Variants in ILDR2 observed in about 807,000 individuals in gnomAD.
The protein encoded by ILDR2 is immunoglobulin-like domain-containing receptor 2.
Under a neutral mutation model 66.8 loss-of-function variants are expected in ILDR2, and 25 were observed. The observed-to-expected ratio is 0.37, with a 90% CI of 0.27 to 0.52. The LOEUF (loss-of-function observed/expected upper bound fraction) is 0.52, where lower values mean the gene tolerates loss of function less well. Ranked by LOEUF, ILDR2 falls within the 20% of genes least tolerant of loss-of-function variation. ILDR2 has a pLI of 0.88. For missense variants in ILDR2, 827 were observed against 876.8 expected (o/e 0.94, Z 0.72); for synonymous variants, 367 against 357.2 (o/e 1.03, Z -0.31).
chr1:166,945,826 T>G (rs764896999), intron 3 of ILDR2, among the ~76,000 whole-genome samples: 2 of 152,180 alleles, frequency 1.3e-5, no homozygotes, highest in African/African-American at 4.8e-5. Flanking sequence ...TAAGTTGGAG[T>G]CCTTCTAGGG....
At chr1:166,956,519 G>A (rs1380931515) in intron 3 of ILDR2, among the ~76,000 whole-genome samples, 1 of 151,926 alleles carries the variant, frequency 6.6e-6, no homozygotes, top group East Asian at 1.9e-4. Flanking sequence ...AATGATAAAA[G>A]GTGGGGGCGG....
chr1:166,939,894 A>C (rs898990902), intron 3 of ILDR2, among the ~76,000 whole-genome samples: 1 of 152,228 alleles, frequency 6.6e-6, no homozygotes, highest in Non-Finnish European at 1.5e-5. Flanking sequence ...ATCCGTCTCC[A>C]TACACTTCAT....
chr1:166,904,927 G>T (rs1659315411), downstream of ILDR2, among the ~76,000 whole-genome samples: 1 of 152,080 alleles, frequency 6.6e-6, no homozygotes, highest in African/African-American at 2.4e-5. Flanking sequence ...TGCCAAGCAT[G>T]GAGACACCTC....
rs201437761 is a variant in ILDR2 at position 166,935,511 on chromosome 1, G to A, written c.704-34C>T. ...GGAGATCAAGAGCAAGAGAGATTAC[G>A]TCGTCCCACCCTCCACAACCCTCAC... is the stretch of plus-strand genomic sequence containing the variant. On this transcript the variant is annotated intron_variant, in intron 5 of 9. Transcript: ENST00000271417. 2.4e-5 allele frequency: 36 copies of A among 1,520,286 alleles called. No homozygotes were observed. The East Asian group carries it at 2.5e-4, about 11-fold the overall frequency. The allele number at this position is 1,520,286 out of a possible 1,614,324, so 94.2% of individuals were successfully genotyped here.
Position 166,920,767 on chromosome 1 carries a change from G to A in ILDR2, c.1824C>T (p.Arg608=), listed in dbSNP as rs1026927797. ...CCGAGTTGCTGTGGTAGGGCAGGTC[G>A]CGGCCGCGGTAGGACGGGCCGCGGG... ...ELTRGPSYRG[R]DLPYHSNSEK... is the part of the protein sequence containing the mutation. Residue 608 remains arginine (R), a synonymous_variant, in exon 9 of 10, where the codon CGC becomes CGT. Coordinates refer to ENST00000271417, the MANE Select transcript of ILDR2 (RefSeq NM_199351.3). 4.0e-6 allele frequency: 6 copies of A among 1,492,560 alleles called. No individual in the cohort carries two copies. Among genetic ancestry groups the A allele is most frequent in the Non-Finnish European group, 4.5e-6 (5 of 1,121,084 alleles). The allele number at this position is 1,492,560 out of a possible 1,614,324, so 92.5% of individuals were successfully genotyped here.
At position 166,910,829 on chromosome 1, in the gene ILDR2, A is replaced by G. The variant is rs915498926; in HGVS notation, c.*8526T>C. On this transcript the variant is annotated 3_prime_UTR_variant, in exon 10 of 10. Transcript: ENST00000271417. Reference sequence around the variant, plus strand: ...CATATAAAAATTGGATTAGAATTAGATAATCATAGGGAAAAATGAATTATT... The same window carrying G: ...CATATAAAAATTGGATTAGAATTAGGTAATCATAGGGAAAAATGAATTATT... The G allele has an allele frequency of 6.6e-6, 1 of 152,252 alleles. No homozygotes were observed. Among genetic ancestry groups the G allele is most frequent in the African/African-American group, 2.4e-5 (1 of 41,468 alleles). 9.4% of individuals were successfully genotyped at this position (152,252 alleles called of 1,614,324 possible).
intron 1 of ILDR2, among the ~76,000 whole-genome samples, chr1:166,969,810 A>G (rs1184531679): frequency 1.3e-5 from 2 of 152,208 alleles, no homozygotes; most frequent in Non-Finnish European, 2.9e-5. Context: ...CACTTCAAAT[A>G]ACCAAGTCAT....
chr1:166,944,014 A>G (rs1007440170), intron 3 of ILDR2: 1 of 184,240 alleles, frequency 5.4e-6, no homozygotes, highest in African/African-American at 2.4e-5. Context: ...TGAATAGACC[A>G]AACGAATCAG....
chr1:166,936,781 T>C lies in ILDR2; in HGVS notation c.557-44A>G. The C allele has an allele frequency of 6.2e-7, 1 of 1,603,160 alleles. No homozygotes were observed. Among genetic ancestry groups the C allele is most frequent in the Middle Eastern group, 1.7e-4 (1 of 6,036 alleles). ...AAATCCACACTCGAGGCAGCCCACC[T>C]CCAGGGCAGGGTGCACTTTGATTGG... On this transcript the variant is annotated intron_variant, in intron 4 of 9. Coordinates refer to ENST00000271417, the MANE Select transcript of ILDR2 (RefSeq NM_199351.3). This position sits in a 1 kb window ranked among gnomAD's most constrained non-coding sequence, Gnocchi z 5.0.
At chr1:166,907,683 A>G (rs903064951), downstream of ILDR2, among the ~76,000 whole-genome samples, 1 of 152,126 alleles carries the variant, frequency 6.6e-6, no homozygotes, top group Non-Finnish European at 1.5e-5. Flanking sequence ...CTTGGAAGCA[A>G]TTAAGTTTTT....
Position 166,921,267 on chromosome 1 carries a change from G to A in ILDR2, c.1324C>T (p.Arg442Cys), listed in dbSNP as rs1231820239. The change falls in exon 9 of 10, where the codon CGC becomes TGC. Residue 442 changes from arginine to cysteine, a missense_variant. This residue lies in a region of ILDR2 where 390 missense variants were observed against 353.6 expected (regional missense o/e 1.10). Coordinates refer to ENST00000271417, the MANE Select transcript of ILDR2 (RefSeq NM_199351.3). This position sits in a 1 kb window ranked among gnomAD's most constrained non-coding sequence, Gnocchi z 5.3. ...AFADSYGQRPRRADGNSHEAR... is the reference protein window; with the variant it reads ...AFADSYGQRPCRADGNSHEAR... ...TCGTGACTGTTGCCGTCTGCCCGGC[G>A]GGGCCGCTGGCCGTAGGAGTCAGCG... 4 of 1,599,268 alleles carry A rather than the reference G, an allele frequency of 2.5e-6. No individual in the cohort carries two copies. The highest frequency in any genetic ancestry group is 2.6e-6 in the Non-Finnish European group (3 of 1,175,316).
intron 1 of ILDR2, among the ~76,000 whole-genome samples, chr1:166,966,467 T>C (rs929394646): frequency 1.3e-5 from 2 of 152,190 alleles, no homozygotes; most frequent in Non-Finnish European, 1.5e-5. Context: ...CCATGGTAAA[T>C]ACCAGTGCTG....
chr1:166,906,279 C>G (rs763391553), downstream of ILDR2, among the ~76,000 whole-genome samples: 14 of 152,160 alleles, frequency 9.2e-5, no homozygotes, highest in Admixed American at 6.5e-5. Context: ...CAACCAGACA[C>G]AAAAATAGAT....
chr1:166,964,150 A>G (rs1662793169), intron 1 of ILDR2, among the ~76,000 whole-genome samples: 1 of 151,976 alleles, frequency 6.6e-6, no homozygotes, highest in Non-Finnish European at 1.5e-5. Flanking sequence ...AAAAAAAAAA[A>G]AAAATTTAAG....
At chr1:166,950,251 GA>G (rs1428050703) in intron 3 of ILDR2, among the ~76,000 whole-genome samples, 6 of 151,994 alleles carry the variant, frequency 3.9e-5, no homozygotes, top group Non-Finnish European at 5.9e-5. Flanking sequence ...GTAAATCTTA[GA>G]AAGAAACAGC....
chr1:166,921,426 G>C lies in ILDR2; in HGVS notation c.1212-47C>G. On this transcript the variant is annotated intron_variant, in intron 8 of 9. Coordinates refer to ENST00000271417, the MANE Select transcript of ILDR2 (RefSeq NM_199351.3). This position sits in a 1 kb window ranked among gnomAD's most constrained non-coding sequence, Gnocchi z 5.3. The stretch of plus-strand genomic sequence containing the variant: ...GTCAGACGGCCGGTCCCTCCCTGGA[G>C]CTCCAGGTAGGGCTCCCAAGAGCAC... 6.8e-7 allele frequency: 1 copy of C among 1,468,026 alleles called. No homozygotes were observed. Among genetic ancestry groups the C allele is most frequent in the South Asian group, 1.3e-5 (1 of 75,770 alleles). 90.9% of individuals were successfully genotyped at this position (1,468,026 alleles called of 1,614,324 possible).
chr1:166,899,952 G>C (rs1659232878), intron 2 of ILDR2, among the ~76,000 whole-genome samples: 2 of 152,204 alleles, frequency 1.3e-5, no homozygotes, highest in African/African-American at 4.8e-5. Flanking sequence ...TTAAAATCCA[G>C]CACAGTTGAT....
Position 166,965,570 on chromosome 1 carries a change from G to GTTT in ILDR2, c.47-7472_47-7470dup, listed in dbSNP as rs535388259. Among the ~76,000 whole-genome samples, 225 of 127,374 alleles carry GTTT rather than the reference G, an allele frequency of 1.8e-3. 34 individuals are homozygous for GTTT. The highest frequency in any genetic ancestry group is 3.9e-3 in the Middle Eastern group (1 of 254). The allele number at this position is 127,374 out of a possible 152,430, so 83.6% of individuals were successfully genotyped here. ...TTTGCCTGCCTTCAAGTTAGGTTTTGTTTTTTTTTTTGTTTTTTTTTTGAC... is the reference window on the plus strand; with the variant it reads ...TTTGCCTGCCTTCAAGTTAGGTTTTGTTTTTTTTTTTTTTGTTTTTTTTTTGAC... On this transcript the variant is annotated intron_variant, in intron 1 of 9. Coordinates refer to ENST00000271417, the MANE Select transcript of ILDR2 (RefSeq NM_199351.3).
intron 1 of ILDR2, among the ~76,000 whole-genome samples, chr1:166,962,619 G>A (rs1460050833): frequency 6.6e-6 from 1 of 152,112 alleles, no homozygotes; most frequent in Non-Finnish European, 1.5e-5. Flanking sequence ...ACTGAAGTTT[G>A]ACCTGGAGAT....
Sources: allele counts gnomAD v4.1 joint callset (sites outside exome capture counted in the v4.1 genomes callset), GRCh38; gene constraint gnomAD v4.1.1; regional missense constraint gnomAD v4.1.1; non-coding constraint Gnocchi (gnomAD v3.1); transcripts MANE v1.5; gene names NCBI Gene and HGNC (gene_info 2026-07-23, HGNC 2026-07-21).